Variants in TRPM8 observed in about 807,000 individuals in gnomAD.
TRPM8 encodes the protein TRPM8 cationic channel.
TRPM8 carries 110 observed loss-of-function variants against 133.7 expected under a neutral mutation model. The ratio of observed to expected loss-of-function variants is 0.82; its 90% CI spans 0.70 to 0.96. The LOEUF (loss-of-function observed/expected upper bound fraction) is 0.96, where lower values mean the gene tolerates loss of function less well. Ranked by LOEUF, TRPM8 falls within the 40% of genes least tolerant of loss-of-function variation. The pLI, the probability that TRPM8 is intolerant of heterozygous loss-of-function variation, is 0.00. For synonymous variants in TRPM8, 535 were observed against 532.3 expected, an observed-to-expected ratio of 1.01 and a Z score of -0.07; for missense variants, 1,291 against 1,379.5, an observed-to-expected ratio of 0.94 and a Z score of 1.02.
At chr2:233,988,817 A>C (rs1388957983) in intron 21 of TRPM8, among the ~76,000 whole-genome samples, 4 of 152,218 alleles carry the variant, frequency 2.6e-5, no homozygotes, top group Admixed American at 6.5e-5. Flanking sequence ...CAAAAGTCAG[A>C]GGGGCCAACA....
intron 17 of TRPM8, 21 bp downstream of exon 17, chr2:233,970,447 G>A: frequency 6.2e-7 from 1 of 1,609,672 alleles, no homozygotes; most frequent in Non-Finnish European, 8.5e-7. Context: ...CATGACAGCA[G>A]GAACCCCCTC....
chr2:233,919,627 T>A (rs1691369872), intron 1 of TRPM8, among the ~76,000 whole-genome samples: 1 of 151,604 alleles, frequency 6.6e-6, no homozygotes, highest in Non-Finnish European at 1.5e-5. Context: ...CTTTAACGTA[T>A]CCATGTAAAG....
intron 15 of TRPM8, among the ~76,000 whole-genome samples, chr2:233,968,530 T>C (rs1192933447): frequency 6.6e-6 from 1 of 152,160 alleles, no homozygotes; most frequent in Admixed American, 6.5e-5. Context: ...CTAGTCCTCA[T>C]GGGTCAAGCA....
At chr2:233,976,310 CTG>C (rs1455886978) in intron 17 of TRPM8, among the ~76,000 whole-genome samples, 1 of 152,314 alleles carries the variant, frequency 6.6e-6, no homozygotes, top group African/African-American at 2.4e-5. Context: ...ACAGACAACT[CTG>C]TGCCAATTTC....
intron 1 of TRPM8, among the ~76,000 whole-genome samples, chr2:233,921,740 G>A (rs1691416880): frequency 7.5e-6 from 1 of 133,762 alleles, no homozygotes; most frequent in South Asian, 2.3e-4. Flanking sequence ...GCAGGGGCGT[G>A]ATCTCGGATC....
chr2:234,009,264 TG>T (rs1692772150), intron 24 of TRPM8, among the ~76,000 whole-genome samples: 2 of 152,216 alleles, frequency 1.3e-5, no homozygotes, highest in South Asian at 4.1e-4. Context: ...CTACGTGGTG[TG>T]TTTGTAGAGA....
At chr2:233,977,870 G>A (rs1407082048) in intron 17 of TRPM8, among the ~76,000 whole-genome samples, 5 of 152,018 alleles carry the variant, frequency 3.3e-5, no homozygotes, top group African/African-American at 7.2e-5. Flanking sequence ...GTTTCCCCTC[G>A]ATTTTTGTCC....
Position 233,970,372 on chromosome 2 carries a change from C to G in TRPM8, c.2301C>G (p.Pro767=). The change falls in exon 17 of 26, where the codon CCC becomes CCG. Residue 767 remains proline (P), a synonymous_variant. Transcript: ENST00000324695. The part of the protein sequence containing the change: ...LMDFHSVPHP[P]ELVLYSLVFV... ...ATTTCCATTCGGTGCCACACCCCCC[C>G]GAGCTGGTCCTGTACTCGCTGGTCT... 1.2e-6 allele frequency: 2 copies of G among 1,614,136 alleles called. No homozygotes were observed. Among genetic ancestry groups the G allele is most frequent in the Non-Finnish European group, 1.7e-6 (2 of 1,180,032 alleles).
At chr2:233,978,931 G>A (rs536207349) in intron 17 of TRPM8, among the ~76,000 whole-genome samples, 1 of 152,290 alleles carries the variant, frequency 6.6e-6, no homozygotes, top group African/African-American at 2.4e-5. Context: ...AATTAATGAT[G>A]TGTCTTGAAT....
intron 22 of TRPM8, among the ~76,000 whole-genome samples, chr2:234,004,240 A>G (rs1692637131): frequency 6.6e-6 from 1 of 152,202 alleles, no homozygotes; most frequent in Admixed American, 6.5e-5. Context: ...AGAAACAAAG[A>G]AACACTGAGA....
At chr2:233,975,486 C>A (rs140220585) in intron 17 of TRPM8, among the ~76,000 whole-genome samples, 1 of 152,198 alleles carries the variant, frequency 6.6e-6, no homozygotes, top group Non-Finnish European at 1.5e-5. Flanking sequence ...CTCAGGCTCC[C>A]AAACATTTCT....
Position 234,014,282 on chromosome 2 carries a change from T to C in TRPM8, c.3265-280T>C, listed in dbSNP as rs182690903. ...TACTTGTTTGTATTATTGCAATCTA[T>C]TATTTCTGTTTGGGAGCACTAATGA... On this transcript the variant is annotated intron_variant, in intron 24 of 25. Coordinates refer to ENST00000324695, the MANE Select transcript of TRPM8 (RefSeq NM_024080.5). Among the ~76,000 whole-genome samples, 78 of 152,338 alleles carry C rather than the reference T, an allele frequency of 5.1e-4. 2 individuals are homozygous for C. Among genetic ancestry groups the C allele is most frequent in the Admixed American group, 5.0e-3 (77 of 15,304 alleles).
At chr2:234,008,786 T>A (rs946631627) in intron 24 of TRPM8, among the ~76,000 whole-genome samples, 5 of 152,182 alleles carry the variant, frequency 3.3e-5, no homozygotes, top group African/African-American at 1.2e-4. Flanking sequence ...ACCCAGTACC[T>A]TGACCATAGT....
rs533074694 is a variant in TRPM8, at chr2:233,960,850, G to T, written c.1437G>T (p.Glu479Asp). 79 of 1,614,190 alleles carry T rather than the reference G, an allele frequency of 4.9e-5. 1 individual carries two copies. The South Asian group carries it at 8.1e-4, about 17-fold the overall frequency. ...DRPKFVRLFL[E>D]NGLNLRKFLT... The stretch of plus-strand genomic sequence containing the variant: ...CCAAGTTTGTCCGCCTCTTTCTGGA[G>T]AATGGCTTGAACCTACGGAAGTTTC... Residue 479 changes from glutamate (E) to aspartate (D), a missense_variant, in exon 12 of 26, where the codon GAG becomes GAT. Glu to Asp is a conservative substitution (Grantham distance 45). Coordinates refer to ENST00000324695, the MANE Select transcript of TRPM8 (RefSeq NM_024080.5).
intron 6 of TRPM8, among the ~76,000 whole-genome samples, chr2:233,944,924 C>T (rs544097677): frequency 2.3e-4 from 35 of 152,088 alleles, no homozygotes; most frequent in Admixed American, 7.9e-4. Context: ...TCATTATAAA[C>T]GAGAAAAGTG....
chr2:233,983,325 G>A (rs751394287), intron 20 of TRPM8, 101 bp downstream of exon 20: 16 of 1,331,308 alleles, frequency 1.2e-5, no homozygotes, highest in East Asian at 4.7e-5. Context: ...AGAAGCACGC[G>A]CGTGAAACGG....
In TRPM8 at chr2:233,966,752, C is replaced by G. The variant is rs1691587016; in HGVS notation, c.2022C>G (p.Val674=). ...AGCATTTCATCGCCCAGCCTGGGGT[C>G]CAGGTAAACCATACTCAGCCACCAG... ...TDQHFIAQPG[V]QNFLSKQWYG... The change falls in exon 15 of 26, where the codon GTC becomes GTG. Residue 674 remains valine (V), a synonymous_variant. Transcript: ENST00000324695. 1.3e-6 allele frequency: 2 copies of G among 1,563,452 alleles called. No homozygotes were observed. The highest frequency in any genetic ancestry group is 1.7e-6 in the Non-Finnish European group (2 of 1,150,520).
intron 2 of TRPM8, among the ~76,000 whole-genome samples, chr2:233,927,910 C>T (rs1421870193): frequency 2.6e-5 from 1 of 38,080 alleles, no homozygotes; most frequent in African/African-American, 2.7e-4. Flanking sequence ...TTCTTTCTTT[C>T]TCTCTCTCTC....
chr2:233,987,208 C>T (rs1692167116), intron 21 of TRPM8, among the ~76,000 whole-genome samples: 1 of 152,104 alleles, frequency 6.6e-6, no homozygotes, highest in Non-Finnish European at 1.5e-5. Context: ...GAATATTATG[C>T]CGCTCTTAAA....
Sources: gnomAD v4.1 joint callset for allele counts (sites outside exome capture counted in the v4.1 genomes callset) on GRCh38, gnomAD v4.1.1 for gene constraint, MANE v1.5 for transcripts, NCBI Gene and HGNC (gene_info 2026-07-23, HGNC 2026-07-21) for gene names.